Variants in SLC44A2 observed in about 807,000 individuals in gnomAD.
SLC44A2 encodes choline transporter-like protein 2.
In SLC44A2, 57 loss-of-function variants were observed where a neutral mutation model predicts 90.8. The observed-to-expected ratio is 0.63, with a 90% CI of 0.51 to 0.78. SLC44A2 has a LOEUF of 0.78. SLC44A2 is among the 30% of genes least tolerant of loss of function. SLC44A2 has a pLI of 0.00. For missense variants in SLC44A2, 794 were observed against 919.7 expected (o/e 0.86, Z 1.77); for synonymous variants, 355 against 360.7 (o/e 0.98, Z 0.18).
intron 1 of SLC44A2, chr19:10,602,686 C>A: frequency 1.1e-6 from 1 of 897,710 alleles, no homozygotes; most frequent in Non-Finnish European, 1.4e-6. Flanking sequence ...CGCTCGGGCC[C>A]CCGCATCCGA....
chr19:10,643,448 G>A lies in SLC44A2; in HGVS notation c.*63G>A. On this transcript the variant is annotated 3_prime_UTR_variant, in exon 22 of 22. Transcript: ENST00000335757. ...CGCAGGGTGCTCAGTAGCTGGGTCT[G>A]TTCCCCCAGCCCCTTGGGCTCACCT... The A allele has an allele frequency of 1.3e-6, 2 of 1,548,154 alleles. No homozygotes were observed. The highest frequency in any genetic ancestry group is 1.7e-6 in the Non-Finnish European group (2 of 1,143,530).
In SLC44A2 at chr19:10,643,514, G is replaced by C; in HGVS notation, c.*129G>C. ...CCGCTCTGCCCCTCCCCATGAGCCA[G>C]ATCCCACCAGTTTCTGGACGTGGAG... is the stretch of plus-strand genomic sequence containing the variant. On this transcript the variant is annotated 3_prime_UTR_variant, in exon 22 of 22. Transcript: ENST00000335757. 9.1e-7 allele frequency: 1 copy of C among 1,099,590 alleles called. No homozygotes were observed. Among genetic ancestry groups the C allele is most frequent in the Non-Finnish European group, 1.3e-6 (1 of 792,700 alleles). The allele number at this position is 1,099,590 out of a possible 1,614,324, so 68.1% of individuals were successfully genotyped here. A position where few individuals can be genotyped will look rare whatever the true frequency, so the allele number is the denominator to read the frequency against.
intron 3 of SLC44A2, 35 bp downstream of exon 3, chr19:10,627,830 G>T (rs550948285): frequency 3.7e-6 from 6 of 1,613,388 alleles, no homozygotes; most frequent in Non-Finnish European, 5.1e-6. Context: ...GGAGTTGCAG[G>T]GTAGGCGGAG....
chr19:10,634,484 G>C (rs2067032302), intron 10 of SLC44A2, among the ~76,000 whole-genome samples: 1 of 151,650 alleles, frequency 6.6e-6, no homozygotes, highest in East Asian at 2.0e-4. Context: ...AAAAAAGAGA[G>C]AGAACTTAGA....
chr19:10,637,785 C>T (rs751524867), intron 17 of SLC44A2, 38 bp downstream of exon 17: 4 of 1,612,426 alleles, frequency 2.5e-6, no homozygotes, highest in Non-Finnish European at 3.4e-6. Flanking sequence ...CCCGCCAGCT[C>T]CTGCTGGGTG....
chr19:10,636,210 C>T (rs2067052306), intron 14 of SLC44A2, 113 bp from the exon 15 acceptor site: 3 of 1,259,066 alleles, frequency 2.4e-6, no homozygotes, highest in Non-Finnish European at 3.3e-6. Flanking sequence ...AACTTCAATC[C>T]CTATGTCTCC....
rs1331341470 is a variant in SLC44A2 at position 10,625,612 on chromosome 19, C to T, written c.-22C>T. 5 of 1,244,380 alleles carry T rather than the reference C, an allele frequency of 4.0e-6. No homozygotes were observed. The highest frequency in any genetic ancestry group is 5.1e-6 in the Non-Finnish European group (5 of 990,030). The allele number at this position is 1,244,380 out of a possible 1,614,324, so 77.1% of individuals were successfully genotyped here. A position where few individuals can be genotyped will look rare whatever the true frequency, so the allele number is the denominator to read the frequency against. ...GCGCGGGAGAGAGCGCGGGCGGCCG[C>T]CGGGGCTGGTCGCCTGCAGGGATGG... On this transcript the variant is annotated 5_prime_UTR_variant, in exon 1 of 22. Transcript: ENST00000335757.
chr19:10,638,991 G>A (rs1210406018), intron 20 of SLC44A2, among the ~76,000 whole-genome samples: 1 of 151,964 alleles, frequency 6.6e-6, no homozygotes, highest in Non-Finnish European at 1.5e-5. Context: ...TAGAGACGGG[G>A]TTTCTCCATG....
chr19:10,608,627 A>G (rs188299894), intron 1 of SLC44A2, among the ~76,000 whole-genome samples: 199 of 148,224 alleles, frequency 1.3e-3, no homozygotes, highest in Non-Finnish European at 2.3e-3. Flanking sequence ...TTATTTTATT[A>G]GTATATATAT....
chr19:10,631,047 C>A lies in SLC44A2; in HGVS notation c.246-10C>A. 6.3e-7 allele frequency: 1 copy of A among 1,599,882 alleles called. No homozygotes were observed. Among genetic ancestry groups the A allele is most frequent in the South Asian group, 1.1e-5 (1 of 89,568 alleles). ...CTTAACAGTTTCCATTCTCCCTTCT[C>A]TAACTCCAGGAACAAACCCTATCTG... On this transcript the variant is annotated splice_polypyrimidine_tract_variant and intron_variant, in intron 4 of 21. Coordinates refer to ENST00000335757, the MANE Select transcript of SLC44A2 (RefSeq NM_020428.4).
chr19:10,614,992 GAAGAA>G (rs1296565140), intron 1 of SLC44A2, among the ~76,000 whole-genome samples: 5 of 137,610 alleles, frequency 3.6e-5, no homozygotes, highest in African/African-American at 1.3e-4. Flanking sequence ...AAAAAAAGAA[GAAGAA>G]AAGAAAAGAA....
At position 10,632,133 on chromosome 19, in the gene SLC44A2, T is replaced by C; in HGVS notation, c.800T>C (p.Met267Thr). 1 of 1,614,074 alleles carries C rather than the reference T, an allele frequency of 6.2e-7. No individual in the cohort carries two copies. Among genetic ancestry groups the C allele is most frequent in the Non-Finnish European group, 8.5e-7 (1 of 1,179,986 alleles). The change falls in exon 10 of 22, where the codon ATG becomes ACG. Residue 267 changes from methionine (M) to threonine (T), a missense_variant. Met to Thr is a moderately conservative substitution (Grantham distance 81). This residue lies in a region of SLC44A2 where 738 missense variants were observed against 841.1 expected (regional missense o/e 0.88). Coordinates refer to ENST00000335757, the MANE Select transcript of SLC44A2 (RefSeq NM_020428.4). ...AGIMVWVMIIMVILVLGYGIF... is the reference protein window; with the variant it reads ...AGIMVWVMIITVILVLGYGIF... ...ATTATGGTCTGGGTGATGATCATCA[T>C]GGTGATTCTGGTGCTGGGCTACGGT... is the stretch of plus-strand genomic sequence containing the variant.
At chr19:10,642,553 G>A in intron 21 of SLC44A2, 102 bp downstream of exon 21, 1 of 1,111,248 alleles carries the variant, frequency 9.0e-7, no homozygotes, top group Non-Finnish European at 1.4e-6. Context: ...CCTGCCCCCA[G>A]CTTCCCCAGG....
rs2066838414 is a variant in SLC44A2 at position 10,614,411 on chromosome 19, T to G, written c.32-11842T>G. Among the ~76,000 whole-genome samples, 3 of 152,136 alleles carry G rather than the reference T, an allele frequency of 2.0e-5. No homozygotes were observed. In the South Asian group the frequency reaches 6.2e-4, roughly 32 times the overall value. On this transcript the variant is annotated intron_variant, in intron 1 of 21. Coordinates refer to the SLC44A2 transcript ENST00000407327. ...TAGAAATCTGTGTATGCCTTAAGTT[T>G]TTGTAGAGACAGGGTTGTGATCTGT...
chr19:10,627,946 G>A lies in SLC44A2; in HGVS notation c.187G>A (p.Val63Met), dbSNP rs919817886. The change falls in exon 4 of 22, where the codon GTG becomes ATG. Residue 63 changes from valine to methionine, a missense_variant. Val to Met is a conservative substitution (Grantham distance 21). Around this residue, in one of 3 missense-constraint regions of SLC44A2, gnomAD observed 738 missense variants for 841.1 expected, o/e 0.88. Transcript: ENST00000335757. ...CTGGACTCATGGAGACCCTCGAAAGGTGATCTACCCCACTGACAGCCGGGG... is the reference window on the plus strand; with the variant it reads ...CTGGACTCATGGAGACCCTCGAAAGATGATCTACCCCACTGACAGCCGGGG... Reference protein sequence around the residue: ...IAWTHGDPRKVIYPTDSRGEF... With the variant: ...IAWTHGDPRKMIYPTDSRGEF... 8 of 1,613,898 alleles carry A rather than the reference G, an allele frequency of 5.0e-6. No homozygotes were observed. The highest frequency in any genetic ancestry group is 2.7e-5 in the African/African-American group (2 of 74,890).
intron 1 of SLC44A2, among the ~76,000 whole-genome samples, chr19:10,617,884 GTC>G (rs1048303552): frequency 1.3e-5 from 2 of 152,174 alleles, no homozygotes; most frequent in Admixed American, 6.6e-5. Context: ...GTACTCCCTT[GTC>G]TCTCTGCCTT....
intron 2 of SLC44A2, among the ~76,000 whole-genome samples, chr19:10,626,998 G>A (rs983389585): frequency 2.0e-5 from 3 of 149,660 alleles, no homozygotes; most frequent in African/African-American, 7.4e-5. Context: ...GGACAAGAGC[G>A]AGACTCTGTC....
chr19:10,640,763 AGG>A (rs1452310210), intron 20 of SLC44A2, among the ~76,000 whole-genome samples: 1 of 152,148 alleles, frequency 6.6e-6, no homozygotes, highest in Non-Finnish European at 1.5e-5. Flanking sequence ...AGAGCTCAGG[AGG>A]GGTGCCCAGT....
intron 1 of SLC44A2, among the ~76,000 whole-genome samples, chr19:10,617,932 G>T (rs1184904892): frequency 6.6e-6 from 1 of 152,174 alleles, no homozygotes. Context: ...TCTGATGGTA[G>T]AAGTATTCTC....
Sources: allele counts gnomAD v4.1 joint callset (sites outside exome capture counted in the v4.1 genomes callset), GRCh38; gene constraint gnomAD v4.1.1; regional missense constraint gnomAD v4.1.1; transcripts MANE v1.5; gene names NCBI Gene and HGNC (gene_info 2026-07-23, HGNC 2026-07-21).